CYB561A3: variants seen among roughly 807,000 people sequenced by gnomAD.
The protein encoded by CYB561A3 is cytochrome b561 family member A3.
Under a neutral mutation model 25.3 loss-of-function variants are expected in CYB561A3, and 16 were observed. The observed-to-expected ratio is 0.63, with a 90% CI of 0.43 to 0.96. CYB561A3 has a LOEUF of 0.96. CYB561A3 is among the 40% of genes least tolerant of loss of function. CYB561A3 has a pLI of 0.00. For synonymous variants in CYB561A3, 131 were observed against 129.9 expected (o/e 1.01, Z -0.06); for missense variants, 219 against 307.5 (o/e 0.71, Z 2.15).
In CYB561A3 at chr11:61,352,989, T is replaced by C. The variant is rs781013959; in HGVS notation, c.544A>G (p.Ser182Gly). 1.4e-5 allele frequency: 23 copies of C among 1,613,978 alleles called. No homozygotes were observed. The highest frequency in any genetic ancestry group is 1.8e-5 in the Non-Finnish European group (21 of 1,180,028). The stretch of plus-strand genomic sequence containing the variant: ...TGGGGACCCCACTGCACTCACAAAC[T>C]GAAGAAAAGCTTCTCATTAATGCCC... Reference protein sequence around the residue: ...ISGINEKLFFSLKNTTRPYHS... With the variant: ...ISGINEKLFFGLKNTTRPYHS... The change falls in exon 5 of 7, where the codon AGT becomes GGT. Residue 182 changes from serine (S) to glycine (G), a missense_variant. Transcript: ENST00000294072.
Position 61,353,995 on chromosome 11 carries a change from G to A in CYB561A3, c.185-3C>T. On this transcript the variant is annotated splice_region_variant and splice_polypyrimidine_tract_variant and intron_variant, in intron 3 of 6. Coordinates refer to ENST00000294072, the MANE Select transcript of CYB561A3 (RefSeq NM_153611.6). ...GGGCAGGCGGTACACCAGTGACGCT[G>A]CAGGAGAGAGTAGTGCCAGGGCTCA... The A allele has an allele frequency of 6.2e-7, 1 of 1,613,972 alleles. No individual in the cohort carries two copies. Among genetic ancestry groups the A allele is most frequent in the Non-Finnish European group, 8.5e-7 (1 of 1,180,020 alleles).
intron 3 of CYB561A3, chr11:61,354,538 G>A (rs917269106): frequency 1.9e-5 from 3 of 159,350 alleles, no homozygotes; most frequent in African/African-American, 7.2e-5. Flanking sequence ...CTACTTGGGG[G>A]ACTGAGGTGG....
chr11:61,358,666 T>C (rs1229714636), intron 1 of CYB561A3: 1 of 152,028 alleles, frequency 6.6e-6, no homozygotes, highest in Non-Finnish European at 1.5e-5. Context: ...GAGGTGGAGG[T>C]TGCAGTGAGC....
intron 5 of CYB561A3, 63 bp downstream of exon 5, chr11:61,352,922 G>A (rs1235468760): frequency 6.2e-7 from 1 of 1,613,004 alleles, no homozygotes; most frequent in East Asian, 2.2e-5. Flanking sequence ...ATCACAGGGT[G>A]TATCTTTTGA....
chr11:61,351,739 G>C lies in CYB561A3; in HGVS notation c.549-592C>G, dbSNP rs576804379. On this transcript the variant is annotated intron_variant, in intron 5 of 6. Transcript: ENST00000294072. ...GAGACTAGCCTGTGCAACATAGTGA[G>C]ATCCTGTCTCTACAAAAATAAAACT... is the stretch of plus-strand genomic sequence containing the variant. 7 of 152,300 alleles carry C rather than the reference G, an allele frequency of 4.6e-5. No homozygotes were observed. The East Asian group carries it at 1.4e-3, about 30-fold the overall frequency. The allele number at this position is 152,300 out of a possible 1,614,324, so 9.4% of individuals were successfully genotyped here.
intron 1 of CYB561A3, chr11:61,359,224 A>G (rs965196206): frequency 1.6e-5 from 2 of 126,630 alleles, no homozygotes; most frequent in African/African-American, 7.3e-5. Flanking sequence ...ACTCTGTCTC[A>G]AAAAAAAAAA....
Position 61,352,966 on chromosome 11 carries a change from G to A in CYB561A3, c.548+19C>T. On this transcript the variant is annotated intron_variant, in intron 5 of 6. Transcript: ENST00000294072. ...TTCCCTCCTCTTCACCTTAGAGTTGGGGACCCCACTGCACTCACAAACTGA... is the reference window on the plus strand; with the variant it reads ...TTCCCTCCTCTTCACCTTAGAGTTGAGGACCCCACTGCACTCACAAACTGA... 4 of 1,614,054 alleles carry A rather than the reference G, an allele frequency of 2.5e-6. No individual in the cohort carries two copies. The highest frequency in any genetic ancestry group is 1.1e-5 in the South Asian group (1 of 91,070).
At chr11:61,362,182 G>A (rs1430755980), upstream of CYB561A3, 1 of 152,278 alleles carries the variant, frequency 6.6e-6, no homozygotes. Flanking sequence ...GCGCAGTGTG[G>A]GCGGGAGCCC....
At chr11:61,352,961 A>C (rs758482216) in intron 5 of CYB561A3, 24 bp downstream of exon 5, 1 of 1,614,060 alleles carries the variant, frequency 6.2e-7, no homozygotes, top group South Asian at 1.1e-5. Context: ...TTCACCTTAG[A>C]GTTGGGGACC....
At chr11:61,355,831 T>A (rs946974311) in intron 3 of CYB561A3, among the ~76,000 whole-genome samples, 1 of 152,146 alleles carries the variant, frequency 6.6e-6, no homozygotes, top group Admixed American at 6.6e-5. Flanking sequence ...GGCTCAAGCC[T>A]GTAATCCCAG....
chr11:61,359,397 G>A (rs929371463), intron 1 of CYB561A3: 1 of 152,120 alleles, frequency 6.6e-6, no homozygotes, highest in South Asian at 2.1e-4. Context: ...TCCAAGGGCA[G>A]AGGACGTTTC....
chr11:61,360,077 T>TA (rs1219253357), intron 1 of CYB561A3: 9,787 of 141,542 alleles, frequency 0.069, 414 homozygotes, highest in African/African-American at 0.11. Flanking sequence ...CCTCATCTCT[T>TA]AAAAAAAAAA....
chr11:61,359,233 A>AG (rs1857753274), intron 1 of CYB561A3: 1 of 151,702 alleles, frequency 6.6e-6, no homozygotes, highest in African/African-American at 2.4e-5. Flanking sequence ...CAAAAAAAAA[A>AG]AAAAAAAAGA....
At chr11:61,358,132 C>T (rs564164967) in intron 1 of CYB561A3, 1 of 152,376 alleles carries the variant, frequency 6.6e-6, no homozygotes, top group Admixed American at 6.5e-5. Context: ...TATTAGAATT[C>T]TTCGCTGGGC....
At chr11:61,356,414 C>A in intron 3 of CYB561A3, 116 bp downstream of exon 3, 8 of 618,926 alleles carry the variant, frequency 1.3e-5, no homozygotes, top group Non-Finnish European at 2.0e-5. Flanking sequence ...CAGCCCAACC[C>A]ACCCTACCCC....
chr11:61,360,866 T>C (rs563592500), intron 1 of CYB561A3: 1 of 151,990 alleles, frequency 6.6e-6, no homozygotes, highest in African/African-American at 2.4e-5. Context: ...TAATCCCAGC[T>C]ACTTGGGAGG....
chr11:61,357,322 C>A (rs960409706), intron 2 of CYB561A3: 4 of 1,229,498 alleles, frequency 3.3e-6, no homozygotes, highest in Admixed American at 2.4e-5. Context: ...CTTGAACCAG[C>A]TGATGCCCCT....
intron 1 of CYB561A3, 182 bp from the exon 2 acceptor site, chr11:61,358,010 G>C (rs1857706345): frequency 6.6e-6 from 1 of 152,296 alleles, no homozygotes; most frequent in South Asian, 2.1e-4. Flanking sequence ...CAGTGAGAGT[G>C]GGTGGGGAGT....
At position 61,356,637 on chromosome 11, in the gene CYB561A3, T is replaced by C. The variant is rs1337493039; in HGVS notation, c.77A>G (p.Tyr26Cys). The change falls in exon 3 of 7, where the codon TAC becomes TGC. Residue 26 changes from tyrosine (Y) to cysteine (C), a missense_variant. Coordinates refer to ENST00000294072, the MANE Select transcript of CYB561A3 (RefSeq NM_153611.6). ...LGSMCILFTI[Y>C]WMQYWRGGFA... ...GCCACCACGCCAGTACTGCATCCAG[T>C]AGATAGTGAAGAGGATGCACATAGA... is the stretch of plus-strand genomic sequence containing the variant. The C allele has an allele frequency of 6.2e-7, 1 of 1,614,074 alleles. No individual in the cohort carries two copies. The highest frequency in any genetic ancestry group is 1.7e-5 in the Admixed American group (1 of 60,014).
Sources: gnomAD v4.1 joint callset for allele counts (sites outside exome capture counted in the v4.1 genomes callset) on GRCh38, gnomAD v4.1.1 for gene constraint, MANE v1.5 for transcripts, NCBI Gene and HGNC (gene_info 2026-07-23, HGNC 2026-07-21) for gene names.